The following GATA4 variants were observed in gnomAD, a reference collection of about 807,000 sequenced individuals.
GATA4 encodes GATA binding protein 4, also known as transcription factor GATA-4.
A neutral mutation model predicts 37.9 loss-of-function variants in GATA4; 7 were observed. The observed-to-expected ratio is 0.18, with a 90% CI of 0.11 to 0.35. The LOEUF (loss-of-function observed/expected upper bound fraction) is 0.35, where lower values mean the gene tolerates loss of function less well. Among genes scored for constraint, GATA4 ranks in the 10% least tolerant of loss-of-function variants. GATA4 has a pLI of 1.00. For missense variants in GATA4, 647 were observed against 653.0 expected, an observed-to-expected ratio of 0.99 and a Z score of 0.10; for synonymous variants, 372 against 292.6, an observed-to-expected ratio of 1.27 and a Z score of -2.77.
chr8:11,681,379 C>T (rs778296229), intron 1 of GATA4: 61 of 985,180 alleles, frequency 6.2e-5, no homozygotes, highest in Non-Finnish European at 7.2e-5. Flanking sequence ...CTCATAAAAA[C>T]TCCTGGCAGA....
Position 11,757,052 on chromosome 8 carries a change from C to A in GATA4, c.1118C>A (p.Ser373Tyr). Residue 373 changes from serine to tyrosine, a missense_variant, in exon 6 of 7, where the codon TCT (serine) becomes TAT (tyrosine). Ser to Tyr is a moderately radical substitution (Grantham distance 144). Transcript: ENST00000532059. ...RPIKTEPGLS[S>Y]HYGHSSSVSQ... ...ATCAAGACGGAGCCTGGCCTGTCATCTCACTACGGGCACAGCAGCTCCGTG... is the reference window on the plus strand; with the variant it reads ...ATCAAGACGGAGCCTGGCCTGTCATATCACTACGGGCACAGCAGCTCCGTG... The A allele has an allele frequency of 6.2e-7, 1 of 1,614,198 alleles. No homozygotes were observed. Among genetic ancestry groups the A allele is most frequent in the Non-Finnish European group, 8.5e-7 (1 of 1,180,044 alleles).
Position 11,734,168 on chromosome 8 carries a change from C to A in GATA4, c.617-14748C>A, listed in dbSNP as rs1281130380. On this transcript the variant is annotated intron_variant, in intron 2 of 6. Transcript: ENST00000532059. ...CATGGCTAAAATATATCTCCTATAT[C>A]CTAGATACACTTTTCTCATGTGTAT... 5.9e-5 allele frequency among the ~76,000 whole-genome samples: 9 copies of A among 152,270 alleles called. No homozygotes were observed. The East Asian group carries it at 1.7e-3, about 29-fold the overall frequency.
At chr8:11,754,859 A>C (rs1158589916) in intron 4 of GATA4, among the ~76,000 whole-genome samples, 187 bp from the exon 5 acceptor site, 1 of 152,156 alleles carries the variant, frequency 6.6e-6, no homozygotes, top group Non-Finnish European at 1.5e-5. Context: ...GTGCTCGATA[A>C]GTTTTTTAAA....
intron 2 of GATA4, among the ~76,000 whole-genome samples, chr8:11,734,306 A>C (rs1270707731): frequency 6.6e-6 from 1 of 152,190 alleles, no homozygotes; most frequent in African/African-American, 2.4e-5. Flanking sequence ...GCTGTAACAG[A>C]ATACCATAGA....
At chr8:11,721,139 G>A (rs1381848022) in intron 2 of GATA4, among the ~76,000 whole-genome samples, 1 of 151,760 alleles carries the variant, frequency 6.6e-6, no homozygotes, top group East Asian at 1.9e-4. Flanking sequence ...GATCTGAAGC[G>A]CAAGGGGGCG....
chr8:11,681,465 C>G (rs948300602), intron 1 of GATA4: 128 of 965,958 alleles, frequency 1.3e-4, no homozygotes, highest in African/African-American at 2.8e-4. Context: ...ATCCGGGGCC[C>G]GGTCCCCGCG....
At chr8:11,713,944 T>A (rs1163609071) in intron 2 of GATA4, among the ~76,000 whole-genome samples, 6 of 152,238 alleles carry the variant, frequency 3.9e-5, no homozygotes, top group Non-Finnish European at 7.3e-5. Flanking sequence ...TATCTCCATA[T>A]GGCAAAATTG....
chr8:11,728,355 A>T (rs531069264), intron 2 of GATA4, among the ~76,000 whole-genome samples: 1 of 152,164 alleles, frequency 6.6e-6, no homozygotes, highest in Non-Finnish European at 1.5e-5. Context: ...TGAAAATAGT[A>T]TCTTTTTTGT....
Position 11,746,609 on chromosome 8 carries a change from T to C in GATA4, c.617-2307T>C, listed in dbSNP as rs574889024. 2.1e-3 allele frequency among the ~76,000 whole-genome samples: 324 copies of C among 152,308 alleles called. 6 individuals are homozygous for C. Among genetic ancestry groups the C allele is most frequent in the Middle Eastern group, 0.014 (4 of 294 alleles). ...GCTTGGTCTAATGTCCTTCTGTAAA[T>C]TCCTGGCCTCTTTAATCCCCTCATG... is the stretch of plus-strand genomic sequence containing the variant. On this transcript the variant is annotated intron_variant, in intron 2 of 6. Transcript: ENST00000532059.
chr8:11,759,214 TCC>T lies in GATA4; in HGVS notation c.*742_*743del, dbSNP rs1802762268. 6.5e-6 allele frequency: 1 copy of T among 153,702 alleles called. No homozygotes were observed. The highest frequency in any genetic ancestry group is 2.4e-5 in the African/African-American group (1 of 41,424). The allele number at this position is 153,702 out of a possible 1,614,324, so 9.5% of individuals were successfully genotyped here. A position where few individuals can be genotyped will look rare whatever the true frequency, so the allele number is the denominator to read the frequency against. On this transcript the variant is annotated 3_prime_UTR_variant, in exon 7 of 7. Coordinates refer to ENST00000532059, the MANE Select transcript of GATA4 (RefSeq NM_001308093.3). ...TCTGCCCGCAGCTTGTACATGTCTC[TCC>T]CCTGGCAAAACAAGAGCTGGGTAGT...
chr8:11,714,594 G>A (rs1291446356), intron 2 of GATA4, among the ~76,000 whole-genome samples: 2 of 152,138 alleles, frequency 1.3e-5, no homozygotes. Flanking sequence ...AGCTGAGAAC[G>A]AATTAAATAA....
At position 11,708,201 on chromosome 8, in the gene GATA4, C is replaced by G; in HGVS notation, c.-112C>G. 2 of 1,226,716 alleles carry G rather than the reference C, an allele frequency of 1.6e-6. No homozygotes were observed. Among genetic ancestry groups the G allele is most frequent in the Admixed American group, 4.0e-5 (2 of 50,536 alleles). 76.0% of individuals were successfully genotyped at this position (1,226,716 alleles called of 1,614,324 possible). ...TTTCCCCTTTGATTTTTGATCTTCG[C>G]GACAGTTCCTCCCACGCATATTATC... On this transcript the variant is annotated 5_prime_UTR_variant, in exon 2 of 7. Coordinates refer to ENST00000532059, the MANE Select transcript of GATA4 (RefSeq NM_001308093.3). This position sits in a 1 kb window ranked among gnomAD's most constrained non-coding sequence, Gnocchi z 6.7.
rs1330622183 is a variant in GATA4 at position 11,731,965 on chromosome 8, T to C, written c.617-16951T>C. Among the ~76,000 whole-genome samples, 3 of 152,288 alleles carry C rather than the reference T, an allele frequency of 2.0e-5. No homozygotes were observed. The South Asian group carries it at 6.2e-4, about 32-fold the overall frequency. The stretch of plus-strand genomic sequence containing the variant: ...GTGTTTCTCTTTGCCCAAGCCTCAG[T>C]GTTATCCTGCTATCACAGCAGGGCT... On this transcript the variant is annotated intron_variant, in intron 2 of 6. Coordinates refer to ENST00000532059, the MANE Select transcript of GATA4 (RefSeq NM_001308093.3).
rs139773286 is a variant in GATA4 at position 11,753,219 on chromosome 8, C to T, written c.913-1827C>T. ...ATATACATACACGTAGGATATTACT[C>T]AGCCTTTAAAAGGAAGGGAATTCTG... On this transcript the variant is annotated intron_variant, in intron 4 of 6. Coordinates refer to ENST00000532059, the MANE Select transcript of GATA4 (RefSeq NM_001308093.3). Among the ~76,000 whole-genome samples the T allele has an allele frequency of 2.1e-3, 317 of 152,250 alleles. 2 individuals are homozygous for T. The highest frequency in any genetic ancestry group is 7.2e-3 in the African/African-American group (300 of 41,538).
At chr8:11,697,857 G>T in intron 1 of GATA4, 1 of 985,494 alleles carries the variant, frequency 1.0e-6, no homozygotes, top group South Asian at 4.7e-5. Flanking sequence ...AGGAGGGAGC[G>T]GCCTTTGCGG....
chr8:11,680,767 C>G, intron 1 of GATA4: 1 of 985,378 alleles, frequency 1.0e-6, no homozygotes, highest in Non-Finnish European at 1.2e-6. Flanking sequence ...GCACCCCTCT[C>G]CAGATGCGAG....
chr8:11,721,497 T>G (rs1298927646), intron 2 of GATA4, among the ~76,000 whole-genome samples: 2 of 151,716 alleles, frequency 1.3e-5, no homozygotes, highest in Non-Finnish European at 2.9e-5. Flanking sequence ...CCAAGCAGGG[T>G]GATGAGCGCC....
chr8:11,723,184 AAAATAAAT>A lies in GATA4; in HGVS notation c.616+14273_616+14280del, dbSNP rs1262478047. Among the ~76,000 whole-genome samples the A allele has an allele frequency of 2.5e-4, 38 of 152,044 alleles. 1 individual carries two copies. Among genetic ancestry groups the A allele is most frequent in the African/African-American group, 9.2e-4 (38 of 41,478 alleles). On this transcript the variant is annotated intron_variant, in intron 2 of 6. Transcript: ENST00000532059. ...CAACATAGTGAGAGCCTGTCTCTAC[AAAATAAAT>A]AAATAAATAAATAAATTAGGCAGGG...
chr8:11,702,344 C>T (rs1339756593), upstream of GATA4, among the ~76,000 whole-genome samples: 2 of 152,134 alleles, frequency 1.3e-5, no homozygotes, highest in African/African-American at 4.8e-5. The surrounding 1 kb of genome is among the most constrained non-coding windows in gnomAD (Gnocchi z 4.4). Flanking sequence ...GCGCTGGAGC[C>T]ACAGATTTCC....
Sources: allele counts gnomAD v4.1 joint callset (sites outside exome capture counted in the v4.1 genomes callset), GRCh38; gene constraint gnomAD v4.1.1; non-coding constraint Gnocchi (gnomAD v3.1); transcripts MANE v1.5; gene names NCBI Gene and HGNC (gene_info 2026-07-23, HGNC 2026-07-21).